Variants in ASAP1 observed in about 807,000 individuals in gnomAD.
ASAP1 encodes ArfGAP with SH3 domain, ankyrin repeat and PH domain 1.
Under a neutral mutation model 145.2 loss-of-function variants are expected in ASAP1, and 43 were observed. That is an observed-to-expected ratio of 0.30 (90% confidence interval 0.23 to 0.38). ASAP1 has a LOEUF of 0.38. Ranked by LOEUF, ASAP1 falls within the 10% of genes least tolerant of loss-of-function variation. The pLI, the probability that ASAP1 is intolerant of heterozygous loss-of-function variation, is 1.00. For missense variants in ASAP1, 1,018 were observed against 1,355.3 expected (o/e 0.75, Z 3.91); for synonymous variants, 546 against 515.5 (o/e 1.06, Z -0.80).
chr8:130,350,906 C>G (rs1415121490), intron 3 of ASAP1, among the ~76,000 whole-genome samples: 1 of 152,172 alleles, frequency 6.6e-6, no homozygotes, highest in Non-Finnish European at 1.5e-5. Flanking sequence ...AGCTCATAGG[C>G]AAATCAGGTT....
intron 3 of ASAP1, among the ~76,000 whole-genome samples, chr8:130,290,261 T>C (rs1248471868): frequency 6.6e-6 from 1 of 152,240 alleles, no homozygotes; most frequent in Non-Finnish European, 1.5e-5. Context: ...GTCATATAAC[T>C]GTGCTACTCC....
chr8:130,060,164 C>T (rs1213336719), intron 28 of ASAP1, among the ~76,000 whole-genome samples: 3 of 151,040 alleles, frequency 2.0e-5, no homozygotes, highest in African/African-American at 7.3e-5. Context: ...TCGTGACCCT[C>T]AGGAAAGGAA....
At chr8:130,350,740 G>A (rs1825947865) in intron 3 of ASAP1, among the ~76,000 whole-genome samples, 1 of 152,200 alleles carries the variant, frequency 6.6e-6, no homozygotes, top group African/African-American at 2.4e-5. Context: ...TATTCTCCAA[G>A]GTCGCTTTTA....
chr8:130,211,217 A>G (rs1450745153), intron 5 of ASAP1, among the ~76,000 whole-genome samples: 1 of 152,230 alleles, frequency 6.6e-6, no homozygotes, highest in East Asian at 1.9e-4. Context: ...AAGTTACTTT[A>G]AAACTGACTT....
intron 1 of ASAP1, among the ~76,000 whole-genome samples, chr8:130,416,174 A>G (rs1188726365): frequency 6.6e-6 from 1 of 152,044 alleles, no homozygotes; most frequent in African/African-American, 2.4e-5. Context: ...TCCCCGCCCC[A>G]CTAGTGTCGC....
intron 3 of ASAP1, among the ~76,000 whole-genome samples, chr8:130,325,929 T>C (rs1356036972): frequency 6.6e-6 from 1 of 152,240 alleles, no homozygotes; most frequent in Admixed American, 6.5e-5. Context: ...TTATGCACCT[T>C]ACATGAAATT....
intron 3 of ASAP1, among the ~76,000 whole-genome samples, chr8:130,345,036 C>T (rs1825623973): frequency 6.6e-6 from 1 of 152,192 alleles, no homozygotes; most frequent in African/African-American, 2.4e-5. Flanking sequence ...ACTCAAGCCT[C>T]ATCATGCTTT....
chr8:130,114,769 ATTTT>A (rs60433249), intron 23 of ASAP1, among the ~76,000 whole-genome samples: 1 of 134,932 alleles, frequency 7.4e-6, no homozygotes. Flanking sequence ...TTGAAGGTTA[ATTTT>A]TTTTTTTTTT....
intron 13 of ASAP1, among the ~76,000 whole-genome samples, chr8:130,147,553 T>C (rs2097634963): frequency 6.6e-6 from 1 of 152,268 alleles, no homozygotes; most frequent in African/African-American, 2.4e-5. Flanking sequence ...GGAACACTTA[T>C]TGCGGTCCAG....
chr8:130,436,454 T>A (rs995286890), intron 1 of ASAP1, among the ~76,000 whole-genome samples: 4 of 152,128 alleles, frequency 2.6e-5, no homozygotes, highest in African/African-American at 9.7e-5. Flanking sequence ...CACCACCATG[T>A]CTGGCTAATT....
intron 3 of ASAP1, among the ~76,000 whole-genome samples, chr8:130,256,751 A>ATATCCT (rs1819556472): frequency 2.5e-5 from 1 of 40,794 alleles, no homozygotes; most frequent in Non-Finnish European, 5.2e-5. Flanking sequence ...ATATATATAT[A>ATATCCT]TATATATATA....
chr8:130,394,504 C>G (rs527714866), intron 2 of ASAP1, among the ~76,000 whole-genome samples: 1 of 152,126 alleles, frequency 6.6e-6, no homozygotes, highest in Non-Finnish European at 1.5e-5. Flanking sequence ...AATGTCGTCC[C>G]GGTCCTGTGG....
At chr8:130,260,248 A>G (rs1038796885) in intron 3 of ASAP1, among the ~76,000 whole-genome samples, 1 of 152,178 alleles carries the variant, frequency 6.6e-6, no homozygotes, top group African/African-American at 2.4e-5. Flanking sequence ...GGTGTATTCT[A>G]TACCATCACA....
At chr8:130,338,150 G>A (rs1008320847) in intron 3 of ASAP1, among the ~76,000 whole-genome samples, 1 of 152,116 alleles carries the variant, frequency 6.6e-6, no homozygotes, top group Non-Finnish European at 1.5e-5. Flanking sequence ...CCTCACAACA[G>A]ACCCATGCAA....
intron 3 of ASAP1, among the ~76,000 whole-genome samples, chr8:130,330,716 G>A (rs1354984795): frequency 1.3e-5 from 2 of 152,164 alleles, no homozygotes; most frequent in Non-Finnish European, 1.5e-5. Context: ...AATGTGTGTA[G>A]GTATCTCTAT....
intron 3 of ASAP1, among the ~76,000 whole-genome samples, chr8:130,292,949 C>T (rs570792509): frequency 3.3e-5 from 5 of 152,286 alleles, no homozygotes; most frequent in Admixed American, 2.0e-4. Context: ...TTATTTTCAT[C>T]GGCAATCATG....
intron 24 of ASAP1, among the ~76,000 whole-genome samples, chr8:130,110,592 G>A (rs2097545114): frequency 6.6e-6 from 1 of 152,174 alleles, no homozygotes; most frequent in Non-Finnish European, 1.5e-5. Context: ...GTATGGAATG[G>A]TAAGAAAACA....
At chr8:130,149,397 T>C (rs2097640851) in intron 13 of ASAP1, among the ~76,000 whole-genome samples, 1 of 152,012 alleles carries the variant, frequency 6.6e-6, no homozygotes, top group Admixed American at 6.6e-5. Context: ...GCAAAGAATT[T>C]ATGAATGAAA....
intron 2 of ASAP1, among the ~76,000 whole-genome samples, chr8:130,390,271 G>A (rs999264260): frequency 1.3e-5 from 2 of 152,260 alleles, no homozygotes; most frequent in Non-Finnish European, 1.5e-5. Context: ...TCAGTTGTAC[G>A]AAGCACATTT....
Sources: allele counts gnomAD v4.1 joint callset (sites outside exome capture counted in the v4.1 genomes callset), GRCh38; gene constraint gnomAD v4.1.1; transcripts MANE v1.5; gene names NCBI Gene and HGNC (gene_info 2026-07-23, HGNC 2026-07-21).